CAMK2G: variants seen among roughly 807,000 people sequenced by gnomAD.
The protein encoded by CAMK2G is calcium/calmodulin dependent protein kinase II gamma.
Under a neutral mutation model 88.7 loss-of-function variants are expected in CAMK2G, and 23 were observed. That is an observed-to-expected ratio of 0.26 (90% confidence interval 0.19 to 0.37). CAMK2G has a LOEUF of 0.37. Ranked by LOEUF, CAMK2G falls within the 10% of genes least tolerant of loss-of-function variation. The probability of loss-of-function intolerance (pLI) is 1.00; values close to 1 mark genes in which losing one functional copy is unlikely to be tolerated. For synonymous variants in CAMK2G, 263 were observed against 294.8 expected (o/e 0.89, Z 1.11); for missense variants, 476 against 780.8 (o/e 0.61, Z 4.65).
Position 73,847,207 on chromosome 10 carries a change from A to G in CAMK2G, c.819+18T>C, listed in dbSNP as rs771072602. On this transcript the variant is annotated intron_variant, in intron 10 of 22. Coordinates refer to ENST00000423381, the MANE Select transcript of CAMK2G (RefSeq NM_001367534.1). ...GCTGACACCCCTGAGCTCCTTGGCC[A>G]CTAGCAAAGACACTTACACAGACCC... The G allele has an allele frequency of 1.2e-6, 2 of 1,613,610 alleles. No homozygotes were observed. The highest frequency in any genetic ancestry group is 1.7e-6 in the Non-Finnish European group (2 of 1,179,548).
intron 16 of CAMK2G, among the ~76,000 whole-genome samples, chr10:73,824,542 C>T (rs956282108): frequency 6.6e-6 from 1 of 152,200 alleles, no homozygotes; most frequent in Non-Finnish European, 1.5e-5. Context: ...ACAGGAGGCC[C>T]CCTCAGCAAG....
At chr10:73,822,443 CGG>C (rs2089264163) in intron 17 of CAMK2G, among the ~76,000 whole-genome samples, 1 of 152,174 alleles carries the variant, frequency 6.6e-6, no homozygotes, top group Non-Finnish European at 1.5e-5. Flanking sequence ...GCAGGGATTA[CGG>C]GCGTGAGCCA....
At chr10:73,854,925 T>C (rs1018835933) in intron 3 of CAMK2G, among the ~76,000 whole-genome samples, 1 of 152,032 alleles carries the variant, frequency 6.6e-6, no homozygotes, top group Admixed American at 6.5e-5. Flanking sequence ...AAAAATCCCA[T>C]CCCAATCTCA....
At position 73,857,457 on chromosome 10, in the gene CAMK2G, G is replaced by A. The variant is rs538738093; in HGVS notation, c.220+3373C>T. 7.2e-5 allele frequency among the ~76,000 whole-genome samples: 11 copies of A among 152,272 alleles called. No individual in the cohort carries two copies. The South Asian group carries it at 8.3e-4, about 11-fold the overall frequency. ...CAAATCTGGATGCGACTCCGAAGCC[G>A]CAAAACTTGGCTTCTCCAAGTATTG... On this transcript the variant is annotated intron_variant, in intron 3 of 22. Coordinates refer to ENST00000423381, the MANE Select transcript of CAMK2G (RefSeq NM_001367534.1).
In CAMK2G at chr10:73,815,200, G is replaced by A; in HGVS notation, c.1582C>T (p.His528Tyr). The A allele has an allele frequency of 6.2e-7, 1 of 1,614,260 alleles. No homozygotes were observed. Among genetic ancestry groups the A allele is most frequent in the Non-Finnish European group, 8.5e-7 (1 of 1,180,032 alleles). ...GCGTCCTCCCCAATCACGTGGACGT[G>A]TGGGTTTAGGATGGTGGTATGGATA... is the stretch of plus-strand genomic sequence containing the variant. ...KPIHTTILNP[H>Y]VHVIGEDAAC... The change falls in exon 22 of 23, where the codon CAC becomes TAC. Residue 528 changes from histidine (H) to tyrosine (Y), a missense_variant. Physicochemically the swap from His to Tyr is moderately conservative, Grantham distance 83. Transcript: ENST00000423381.
intron 2 of CAMK2G, among the ~76,000 whole-genome samples, chr10:73,862,349 T>TATTA (rs2095420447): frequency 7.0e-6 from 1 of 143,608 alleles, no homozygotes; most frequent in East Asian, 2.1e-4. Flanking sequence ...TCACATCATA[T>TATTA]ATTACATCAG....
At chr10:73,862,717 AGAGTT>A (rs1233986407) in intron 2 of CAMK2G, among the ~76,000 whole-genome samples, 2 of 152,224 alleles carry the variant, frequency 1.3e-5, no homozygotes, top group African/African-American at 2.4e-5. Flanking sequence ...AAGAATGGTG[AGAGTT>A]GAGTTAAGAC....
At chr10:73,816,703 C>A (rs1475005809) in intron 21 of CAMK2G, 1 of 1,187,482 alleles carries the variant, frequency 8.4e-7, no homozygotes, top group South Asian at 1.3e-5. Context: ...TCGTGATCCG[C>A]CAGCCTCAGC....
chr10:73,817,206 C>T, intron 20 of CAMK2G, 89 bp from the exon 21 acceptor site: 1 of 1,516,058 alleles, frequency 6.6e-7, no homozygotes, highest in Non-Finnish European at 8.8e-7. Flanking sequence ...CCAGTAGCAG[C>T]AGGCTACCTG....
intron 13 of CAMK2G, among the ~76,000 whole-genome samples, chr10:73,838,419 T>C (rs1005983170): frequency 1.3e-5 from 2 of 152,198 alleles, no homozygotes; most frequent in African/African-American, 2.4e-5. Context: ...AATTTCTTTA[T>C]CTATAAAATG....
chr10:73,825,413 AG>A, intron 15 of CAMK2G, 66 bp from the exon 16 acceptor site: 1 of 1,261,090 alleles, frequency 7.9e-7, no homozygotes, highest in Non-Finnish European at 1.2e-6. Flanking sequence ...TTCAACTCCC[AG>A]ACCTCCCTTG....
intron 15 of CAMK2G, among the ~76,000 whole-genome samples, chr10:73,827,250 G>A (rs1334128658): frequency 1.3e-5 from 2 of 152,180 alleles, no homozygotes; most frequent in African/African-American, 2.4e-5. Context: ...GCAGTGGCGC[G>A]ATCTCGGCTC....
At chr10:73,871,641 G>C (rs974733713) in intron 2 of CAMK2G, among the ~76,000 whole-genome samples, 1 of 151,890 alleles carries the variant, frequency 6.6e-6, no homozygotes, top group Non-Finnish European at 1.5e-5. Context: ...CCCACTCCAG[G>C]GTATCTGACT....
At chr10:73,821,881 C>A in intron 17 of CAMK2G, 151 bp from the exon 18 acceptor site, 1 of 662,900 alleles carries the variant, frequency 1.5e-6, no homozygotes, top group Non-Finnish European at 2.7e-6. Flanking sequence ...TGACTCTTCC[C>A]AAATCCCCTC....
intron 14 of CAMK2G, among the ~76,000 whole-genome samples, chr10:73,828,325 C>A (rs1361695617): frequency 6.6e-6 from 1 of 152,138 alleles, no homozygotes; most frequent in Non-Finnish European, 1.5e-5. Flanking sequence ...GAGGGAAGAA[C>A]TCTTTTGTGG....
intron 16 of CAMK2G, 55 bp from the exon 17 acceptor site, chr10:73,824,139 C>T (rs1273641065): frequency 1.5e-6 from 2 of 1,376,576 alleles, no homozygotes; most frequent in African/African-American, 1.4e-5. Context: ...TATGGCTCTT[C>T]CCTGAGGAGC....
chr10:73,857,323 T>C (rs532141967), intron 3 of CAMK2G, among the ~76,000 whole-genome samples: 2 of 152,200 alleles, frequency 1.3e-5, no homozygotes, highest in African/African-American at 4.8e-5. Context: ...AACCCTTTCA[T>C]AACAACTCCA....
Position 73,842,406 on chromosome 10 carries a change from C to A in CAMK2G, c.903+52G>T. On this transcript the variant is annotated intron_variant, in intron 11 of 22. Transcript: ENST00000423381. This position sits in a 1 kb window ranked among gnomAD's most constrained non-coding sequence, Gnocchi z 4.6. ...CTTCTGAAATGGGGCAGGAGCCACA[C>A]TGGTGCAAGGCATGATGTCAAGGAG... is the stretch of plus-strand genomic sequence containing the variant. The A allele has an allele frequency of 7.2e-7, 1 of 1,384,518 alleles. No individual in the cohort carries two copies. Among genetic ancestry groups the A allele is most frequent in the Non-Finnish European group, 1.0e-6 (1 of 970,490 alleles). 85.8% of individuals were successfully genotyped at this position (1,384,518 alleles called of 1,614,324 possible). A position where few individuals can be genotyped will look rare whatever the true frequency, so the allele number is the denominator to read the frequency against.
rs1250523361 is a variant in CAMK2G at position 73,823,782 on chromosome 10, A to T, written c.1200+258T>A. On this transcript the variant is annotated intron_variant, in intron 17 of 22. Transcript: ENST00000423381. ...CCGACATATGGAGGAAGATTCTATT[A>T]TTATCATCCCCAATTTGCAGATAAA... 3.3e-5 allele frequency among the ~76,000 whole-genome samples: 5 copies of T among 152,162 alleles called. No homozygotes were observed. The South Asian group carries it at 1.0e-3, about 32-fold the overall frequency.
Sources: allele counts gnomAD v4.1 joint callset (sites outside exome capture counted in the v4.1 genomes callset), GRCh38; gene constraint gnomAD v4.1.1; non-coding constraint Gnocchi (gnomAD v3.1); transcripts MANE v1.5; gene names NCBI Gene and HGNC (gene_info 2026-07-23, HGNC 2026-07-21).